PPL: variants seen among roughly 807,000 people sequenced by gnomAD.
The protein encoded by PPL is 190 kDa paraneoplastic pemphigus antigen.
PPL carries 198 observed loss-of-function variants against 194.4 expected under a neutral mutation model. That is an observed-to-expected ratio of 1.02 (90% CI 0.91 to 1.15). The LOEUF is 1.15. Among genes scored for constraint, PPL ranks in the 50% most tolerant of loss-of-function variants. The probability of loss-of-function intolerance (pLI) is 0.00; values close to 1 mark genes in which losing one functional copy is unlikely to be tolerated. For synonymous variants in PPL, 1,220 were observed against 972.4 expected, an observed-to-expected ratio of 1.25 and a Z score of -4.74; for missense variants, 2,885 against 2,294.8, an observed-to-expected ratio of 1.26 and a Z score of -5.25.
rs138485335 is a variant in PPL at position 4,910,933 on chromosome 16, G to C, written c.79C>G (p.Leu27Val). The change falls in exon 2 of 22, where the codon CTC (leucine) becomes GTC (valine). Residue 27 changes from leucine to valine, a missense_variant. Coordinates refer to ENST00000345988, the MANE Select transcript of PPL (RefSeq NM_002705.5). ...VQTRSISNKE[L>V]SELIEQLQKN... Reference sequence around the variant, plus strand: ...TGCAGCTGCTCGATCAGCTCCGAGAGCTCCTTGTTAGAGATGCTGCGGGCA... The same window carrying C: ...TGCAGCTGCTCGATCAGCTCCGAGACCTCCTTGTTAGAGATGCTGCGGGCA... The C allele has an allele frequency of 1.9e-5, 31 of 1,612,986 alleles. No individual in the cohort carries two copies. In the African/African-American group the frequency reaches 3.6e-4, roughly 19 times the overall value.
chr16:4,891,024 G>T, intron 16 of PPL, 103 bp from the exon 17 acceptor site: 1 of 1,028,244 alleles, frequency 9.7e-7, no homozygotes, highest in Non-Finnish European at 1.4e-6. Context: ...AGGAGGGTGG[G>T]CAAGGCCACA....
chr16:4,894,449 C>T lies in PPL; in HGVS notation c.1394+18G>A. 6.2e-7 allele frequency: 1 copy of T among 1,613,228 alleles called. No homozygotes were observed. Among genetic ancestry groups the T allele is most frequent in the Non-Finnish European group, 8.5e-7 (1 of 1,179,726 alleles). On this transcript the variant is annotated intron_variant, in intron 12 of 21. Transcript: ENST00000345988. ...GGGTGGGACTGGTCCATGCAGACTC[C>T]CGCCTTTGCCCTTGTACCTGTCAGC...
rs770972852 is a variant in PPL, at chr16:4,900,798, C to A, written c.606+32G>T. Reference sequence around the variant, plus strand: ...CCAAGCTTCCCATCCTCTCCTCTCCCCATGAGGCCTTTCCCCCAGGGAGCT... The same window carrying A: ...CCAAGCTTCCCATCCTCTCCTCTCCACATGAGGCCTTTCCCCCAGGGAGCT... On this transcript the variant is annotated intron_variant, in intron 6 of 21. Transcript: ENST00000345988. 6 of 1,613,998 alleles carry A rather than the reference C, an allele frequency of 3.7e-6. No homozygotes were observed. The Admixed American group carries it at 1.0e-4, about 27-fold the overall frequency.
Position 4,890,254 on chromosome 16 carries a change from C to G in PPL, c.2243G>C (p.Ser748Thr). Reference protein sequence around the residue: ...GHDHVLQFLVSIPSYEPQETD... With the variant: ...GHDHVLQFLVTIPSYEPQETD... ...CTCCTGGGGCTCGTAACTGGGGATG[C>G]TGACTAGGAACTGCAGCACGTGGTC... The change falls in exon 18 of 22, where the codon AGC becomes ACC. Residue 748 changes from serine (S) to threonine (T), a missense_variant. Physicochemically the swap from Ser to Thr is moderately conservative, Grantham distance 58. Coordinates refer to ENST00000345988, the MANE Select transcript of PPL (RefSeq NM_002705.5). 6.2e-7 allele frequency: 1 copy of G among 1,614,202 alleles called. No homozygotes were observed. The highest frequency in any genetic ancestry group is 8.5e-7 in the Non-Finnish European group (1 of 1,180,042).
intron 11 of PPL, among the ~76,000 whole-genome samples, chr16:4,894,924 A>C: frequency 6.6e-6 from 1 of 152,200 alleles, no homozygotes; most frequent in Admixed American, 6.5e-5. Flanking sequence ...GGCATTCGCC[A>C]GCCACAGTCA....
intron 1 of PPL, among the ~76,000 whole-genome samples, chr16:4,925,982 C>T (rs1230474745): frequency 3.3e-5 from 5 of 152,264 alleles, no homozygotes; most frequent in Admixed American, 2.0e-4. Context: ...TGATGGTAAA[C>T]GGAGACTGAG....
At chr16:4,888,712 A>AT (rs34143557) in intron 19 of PPL, 50,358 of 399,874 alleles carry the variant, frequency 0.13, 3,485 homozygotes, top group African/African-American at 0.37. Flanking sequence ...TTTATCCTGC[A>AT]TTTTTTTTTT....
At chr16:4,909,444 T>C (rs1174180146) in intron 2 of PPL, among the ~76,000 whole-genome samples, 83 of 148,644 alleles carry the variant, frequency 5.6e-4, no homozygotes, top group Admixed American at 1.9e-3. Flanking sequence ...TTTTTTTTTT[T>C]TTGAGACAGT....
intron 1 of PPL, among the ~76,000 whole-genome samples, chr16:4,927,717 G>A (rs949577019): frequency 1.3e-5 from 2 of 152,214 alleles, no homozygotes; most frequent in Non-Finnish European, 2.9e-5. Context: ...AAGATGAGAA[G>A]GTTGCTGGTG....
rs951225704 is a variant in PPL at position 4,885,514 on chromosome 16, C to G, written c.3141G>C (p.Arg1047=). Reference sequence around the variant, plus strand: ...CTTTCTCTGTGACCTTCTCCTGCGCCCGGCTCTTCTCTTCAGCCAGGGCGG... The same window carrying G: ...CTTTCTCTGTGACCTTCTCCTGCGCGCGGCTCTTCTCTTCAGCCAGGGCGG... ...RVAALAEEKS[R]AQEKVTEKEV... The change falls in exon 22 of 22, where the codon CGG becomes CGC. Residue 1047 remains arginine (R), a synonymous_variant. Coordinates refer to ENST00000345988, the MANE Select transcript of PPL (RefSeq NM_002705.5). The surrounding 1 kb of genome is among the most constrained non-coding windows in gnomAD (Gnocchi z 6.3). 6.2e-7 allele frequency: 1 copy of G among 1,611,436 alleles called. No homozygotes were observed. The highest frequency in any genetic ancestry group is 1.3e-5 in the African/African-American group (1 of 75,014).
chr16:4,908,277 G>C (rs1596565720), intron 2 of PPL, among the ~76,000 whole-genome samples: 1 of 151,866 alleles, frequency 6.6e-6, no homozygotes, highest in African/African-American at 2.4e-5. Context: ...AGGATGGCTT[G>C]AGGCCAGGAG....
chr16:4,899,369 G>A lies in PPL; in HGVS notation c.622C>T (p.Arg208Trp), dbSNP rs191156842. Residue 208 changes from arginine (R) to tryptophan (W), a missense_variant, in exon 7 of 22, where the codon CGG (arginine) becomes TGG (tryptophan). Coordinates refer to ENST00000345988, the MANE Select transcript of PPL (RefSeq NM_002705.5). ...YQKLLAASQARQQHLSSLQDY... is the reference protein window; with the variant it reads ...YQKLLAASQAWQQHLSSLQDY... The stretch of plus-strand genomic sequence containing the variant: ...TGCAGCGAACTCAGGTGCTGCTGCC[G>A]GGCCTGTGATGCTGCCTGAAGGGGC... 2.4e-5 allele frequency: 39 copies of A among 1,608,052 alleles called. No homozygotes were observed. The Admixed American group carries it at 3.3e-4, about 14-fold the overall frequency.
At position 4,891,935 on chromosome 16, in the gene PPL, T is replaced by C; in HGVS notation, c.1844A>G (p.Asn615Ser). Residue 615 changes from asparagine to serine, a missense_variant, in exon 16 of 22, where the codon AAC becomes AGC. Physicochemically the swap from Asn to Ser is conservative, Grantham distance 46. Transcript: ENST00000345988. Reference sequence around the variant, plus strand: ...CTGCTGCAGGCTCTTCTCCAGGCGGTTGGCCACATCAACCCTGAGAGCACC... The same window carrying C: ...CTGCTGCAGGCTCTTCTCCAGGCGGCTGGCCACATCAACCCTGAGAGCACC... ...DLAQEKVDVA[N>S]RLEKSLQQSW... is the part of the protein sequence containing the mutation. 1 of 1,613,086 alleles carries C rather than the reference T, an allele frequency of 6.2e-7. No homozygotes were observed. The highest frequency in any genetic ancestry group is 8.5e-7 in the Non-Finnish European group (1 of 1,179,826).
chr16:4,908,397 GAGA>G lies in PPL; in HGVS notation c.162+2450_162+2452del, dbSNP rs2088745658. Among the ~76,000 whole-genome samples the G allele has an allele frequency of 2.7e-5, 4 of 147,136 alleles. No homozygotes were observed. In the South Asian group the frequency reaches 8.7e-4, roughly 32 times the overall value. Reference sequence around the variant, plus strand: ...AGTCAATACTTCAGGGAAATAAAATGAGAAGGTTAAACCCTCTTCCTTCTTTCT... The same window carrying G: ...AGTCAATACTTCAGGGAAATAAAATGAGGTTAAACCCTCTTCCTTCTTTCT... On this transcript the variant is annotated intron_variant, in intron 2 of 21. Transcript: ENST00000345988.
chr16:4,883,554 T>C lies in PPL; in HGVS notation c.5101A>G (p.Lys1701Glu). The C allele has an allele frequency of 1.9e-6, 3 of 1,614,160 alleles. No homozygotes were observed. The highest frequency in any genetic ancestry group is 2.5e-6 in the Non-Finnish European group (3 of 1,180,018). Residue 1701 changes from lysine to glutamate, a missense_variant, in exon 22 of 22, where the codon AAG becomes GAG. Transcript: ENST00000345988. The surrounding 1 kb of genome is among the most constrained non-coding windows in gnomAD (Gnocchi z 4.8). ...ACTGAGGACTCCCCATTGGGACCCTTCACTGAGATCTCCTCCCAGTCGCAC... is the reference window on the plus strand; with the variant it reads ...ACTGAGGACTCCCCATTGGGACCCTCCACTGAGATCTCCTCCCAGTCGCAC... ...QECDWEEISV[K>E]GPNGESSVIH...
At chr16:4,910,138 A>T (rs1427497288) in intron 2 of PPL, among the ~76,000 whole-genome samples, 1 of 152,164 alleles carries the variant, frequency 6.6e-6, no homozygotes, top group Admixed American at 6.5e-5. Context: ...CATGCCGTTG[A>T]GTCCACTGGG....
At position 4,892,167 on chromosome 16, in the gene PPL, C is replaced by T. The variant is rs2088333529; in HGVS notation, c.1697G>A (p.Ser566Asn). ...LLRIEPEKTR[S>N]TAEGEAFIQA... is the part of the protein sequence containing the mutation. ...GATGAAGGCTTCGCCCTCAGCCGTGCTCCGCGTCTTCTCAGGTTCAATCCG... is the reference window on the plus strand; with the variant it reads ...GATGAAGGCTTCGCCCTCAGCCGTGTTCCGCGTCTTCTCAGGTTCAATCCG... The change falls in exon 15 of 22, where the codon AGC (serine) becomes AAC (asparagine). Residue 566 changes from serine (S) to asparagine (N), a missense_variant. Transcript: ENST00000345988. The T allele has an allele frequency of 1.2e-6, 2 of 1,613,712 alleles. No individual in the cohort carries two copies. The highest frequency in any genetic ancestry group is 1.3e-5 in the African/African-American group (1 of 74,950).
chr16:4,927,916 G>A (rs187790690), intron 1 of PPL, among the ~76,000 whole-genome samples: 13 of 152,328 alleles, frequency 8.5e-5, no homozygotes, highest in African/African-American at 2.9e-4. Flanking sequence ...GGGCAACACA[G>A]CAAGACCCTA....
chr16:4,909,424 C>CATTTTTTTTT (rs2088773884), intron 2 of PPL, among the ~76,000 whole-genome samples: 1 of 118,246 alleles, frequency 8.5e-6, no homozygotes, highest in African/African-American at 3.9e-5. Flanking sequence ...CTGGTCCCAC[C>CATTTTTTTTT]TTTTTTTTTT....
Sources: allele counts gnomAD v4.1 joint callset (sites outside exome capture counted in the v4.1 genomes callset), GRCh38; gene constraint gnomAD v4.1.1; non-coding constraint Gnocchi (gnomAD v3.1); transcripts MANE v1.5; gene names NCBI Gene and HGNC (gene_info 2026-07-23, HGNC 2026-07-21).